Variants in TBC1D1 observed in about 807,000 individuals in gnomAD.
TBC1D1 encodes the protein TBC1 (tre-2/USP6, BUB2, cdc16) domain family, member 1.
In TBC1D1, 89 loss-of-function variants were observed where a neutral mutation model predicts 125.6. The observed-to-expected ratio is 0.71, with a 90% CI of 0.60 to 0.85. TBC1D1 has a LOEUF of 0.85. Ranked by LOEUF, TBC1D1 falls within the 40% of genes least tolerant of loss-of-function variation. TBC1D1 has a pLI of 0.00. For synonymous variants in TBC1D1, 565 were observed against 564.1 expected (o/e 1.00, Z -0.02); for missense variants, 1,377 against 1,469.2 (o/e 0.94, Z 1.03).
Position 38,044,515 on chromosome 4 carries a change from T to G in TBC1D1, c.1542+25T>G, listed in dbSNP as rs768030224. On this transcript the variant is annotated intron_variant, in intron 9 of 19. Transcript: ENST00000261439. ...GGTAAGTAGCATAATTTCTCCTGAT[T>G]TAAGTTAAATCACTTTTTAGGAGAG... is the stretch of plus-strand genomic sequence containing the variant. 64 of 1,595,864 alleles carry G rather than the reference T, an allele frequency of 4.0e-5. No individual in the cohort carries two copies. In the East Asian group the frequency reaches 1.4e-3, roughly 34 times the overall value.
intron 2 of TBC1D1, among the ~76,000 whole-genome samples, chr4:37,905,103 C>T (rs1239828519): frequency 6.6e-6 from 1 of 152,166 alleles, no homozygotes; most frequent in Non-Finnish European, 1.5e-5. Flanking sequence ...CTAATTAATT[C>T]ACTGAGTAAT....
In TBC1D1 at chr4:38,006,547, C is replaced by T. The variant is rs1435044815; in HGVS notation, c.418-7962C>T. The stretch of plus-strand genomic sequence containing the variant: ...AGGCTGGAGTGCAGTGGCACAATCT[C>T]GTCTCACTGCAACCTCTGCCTTCCG... On this transcript the variant is annotated intron_variant, in intron 2 of 19. Transcript: ENST00000261439. Among the ~76,000 whole-genome samples the T allele has an allele frequency of 4.3e-5, 6 of 139,034 alleles. No individual in the cohort carries two copies. The Admixed American group carries it at 4.8e-4, about 11-fold the overall frequency. 91.2% of individuals were successfully genotyped at this position (139,034 alleles called of 152,430 possible).
At chr4:38,115,262 G>A (rs1011482787) in intron 15 of TBC1D1, among the ~76,000 whole-genome samples, 3 of 151,934 alleles carry the variant, frequency 2.0e-5, no homozygotes, top group African/African-American at 7.3e-5. Flanking sequence ...CACCACGCCT[G>A]ACTAATTTTT....
intron 13 of TBC1D1, among the ~76,000 whole-genome samples, chr4:38,092,789 G>A (rs536456804): frequency 6.6e-6 from 1 of 151,818 alleles, no homozygotes; most frequent in Admixed American, 6.6e-5. Context: ...TCCACTTCAG[G>A]GTCTCAGGGG....
intron 12 of TBC1D1, among the ~76,000 whole-genome samples, chr4:38,069,582 G>A (rs763965344): frequency 2.6e-5 from 4 of 151,814 alleles, no homozygotes; most frequent in East Asian, 1.9e-4. Context: ...TTTTCCTCTC[G>A]GTCTCTTTAT....
intron 2 of TBC1D1, among the ~76,000 whole-genome samples, chr4:37,999,272 AAAG>A (rs1738507428): frequency 6.6e-6 from 1 of 152,162 alleles, no homozygotes; most frequent in Non-Finnish European, 1.5e-5. Flanking sequence ...CAGAAGAAAA[AAAG>A]AAAGTGGAAG....
At chr4:37,921,906 A>T (rs1033395394) in intron 2 of TBC1D1, among the ~76,000 whole-genome samples, 10 of 63,832 alleles carry the variant, frequency 1.6e-4, no homozygotes, top group East Asian at 3.9e-4. Context: ...AGCTAATTTA[A>T]AAAAAAAAAT....
At chr4:38,038,322 CAT>C (rs1483937810) in intron 8 of TBC1D1, among the ~76,000 whole-genome samples, 1 of 152,150 alleles carries the variant, frequency 6.6e-6, no homozygotes, top group East Asian at 1.9e-4. Context: ...AAATTTCAAA[CAT>C]ATAGAAAAGT....
At chr4:37,936,422 GTCTC>G (rs1724407305) in intron 2 of TBC1D1, among the ~76,000 whole-genome samples, 1 of 152,170 alleles carries the variant, frequency 6.6e-6, no homozygotes, top group Non-Finnish European at 1.5e-5. Context: ...AATGTCTGCT[GTCTC>G]TCTCTGTTGC....
intron 17 of TBC1D1, among the ~76,000 whole-genome samples, chr4:38,119,460 C>G (rs535152018): frequency 6.6e-6 from 1 of 151,856 alleles, no homozygotes; most frequent in African/African-American, 2.4e-5. Flanking sequence ...ATACAAAAAG[C>G]TATCTCCTGG....
chr4:38,127,289 C>G (rs1044829327), intron 18 of TBC1D1, among the ~76,000 whole-genome samples: 2 of 151,912 alleles, frequency 1.3e-5, no homozygotes, highest in Non-Finnish European at 2.9e-5. Context: ...TGGAAATGGA[C>G]ACAGCATGGG....
At chr4:38,124,826 T>A in intron 17 of TBC1D1, 136 bp from the exon 20 acceptor site, 1 of 654,402 alleles carries the variant, frequency 1.5e-6, no homozygotes, top group East Asian at 2.6e-5. Flanking sequence ...ATCAGGCTCT[T>A]AAAAATGAAA....
At chr4:37,960,194 G>A (rs1729702919) in intron 2 of TBC1D1, among the ~76,000 whole-genome samples, 1 of 152,192 alleles carries the variant, frequency 6.6e-6, no homozygotes, top group Non-Finnish European at 1.5e-5. Context: ...GGGCTTGGAT[G>A]TTAGCTAACT....
At chr4:38,091,161 G>A (rs1030235518) in intron 13 of TBC1D1, among the ~76,000 whole-genome samples, 1 of 152,222 alleles carries the variant, frequency 6.6e-6, no homozygotes, top group Non-Finnish European at 1.5e-5. Context: ...TTCATAGAAT[G>A]TAAAGAGATA....
chr4:38,114,357 A>G (rs1762624592), intron 15 of TBC1D1, among the ~76,000 whole-genome samples: 1 of 152,238 alleles, frequency 6.6e-6, no homozygotes, highest in Non-Finnish European at 1.5e-5. Context: ...AGGAGACCGT[A>G]GCTTTCCTCT....
chr4:37,911,148 T>C (rs1397698185), intron 2 of TBC1D1, among the ~76,000 whole-genome samples: 2 of 149,346 alleles, frequency 1.3e-5, no homozygotes, highest in Non-Finnish European at 3.0e-5. Flanking sequence ...TTTTTTTTTT[T>C]TTTTTTGGCT....
chr4:38,018,233 A>G (rs544961743), intron 3 of TBC1D1, 121 bp from the exon 4 acceptor site: 137 of 754,114 alleles, frequency 1.8e-4, no homozygotes, highest in Middle Eastern at 3.4e-4. Flanking sequence ...GGGACCTTTG[A>G]AATGATTTCT....
chr4:37,938,586 G>A (rs1234616297), intron 2 of TBC1D1, among the ~76,000 whole-genome samples: 1 of 152,002 alleles, frequency 6.6e-6, no homozygotes, highest in African/African-American at 2.4e-5. Context: ...CAAAGTGCAG[G>A]TTTGTTACAT....
intron 13 of TBC1D1, among the ~76,000 whole-genome samples, chr4:38,094,953 A>G (rs1244263291): frequency 6.6e-6 from 1 of 152,134 alleles, no homozygotes; most frequent in Admixed American, 6.5e-5. Flanking sequence ...TTTCTTGGTT[A>G]AATAATACAT....
Sources: gnomAD v4.1 joint callset for allele counts (sites outside exome capture counted in the v4.1 genomes callset) on GRCh38, gnomAD v4.1.1 for gene constraint, MANE v1.5 for transcripts, NCBI Gene and HGNC (gene_info 2026-07-23, HGNC 2026-07-21) for gene names.